The following SMIM10L3 variants were observed in gnomAD, a reference collection of about 807,000 sequenced individuals.
The protein encoded by SMIM10L3 is salivary gland specific protein SAGSIN1.
At chr7:6,331,253 A>G in the SMIM10L3 span, 1 of 1,252,428 alleles carries the variant, frequency 8.0e-7, no homozygotes. Flanking sequence ...AGGGAATCAA[A>G]TTAAAGTTCT....
chr7:6,330,635 C>G, the SMIM10L3 span: 1 of 1,614,150 alleles, frequency 6.2e-7, no homozygotes, highest in East Asian at 2.2e-5. Context: ...TTGGGAAAAG[C>G]ACTTGGTGGG....
At chr7:6,340,115 C>T in the SMIM10L3 span, among the ~76,000 whole-genome samples, 1 of 151,850 alleles carries the variant, frequency 6.6e-6, no homozygotes, top group Non-Finnish European at 1.5e-5. Context: ...AAACTCCTGA[C>T]CTCAGGTGAT....
chr7:6,331,290 G>A, the SMIM10L3 span: 7 of 756,244 alleles, frequency 9.3e-6, no homozygotes, highest in African/African-American at 1.2e-4. Context: ...GGTCTTAAGA[G>A]CATCTACACC....
the SMIM10L3 span, among the ~76,000 whole-genome samples, chr7:6,332,768 G>A: frequency 6.6e-4 from 100 of 152,282 alleles, no homozygotes; most frequent in African/African-American, 2.2e-3. Flanking sequence ...AGTGGCTGAC[G>A]GGGATGGAGA....
chr7:6,330,811 G>C, the SMIM10L3 span: 1 of 1,614,180 alleles, frequency 6.2e-7, no homozygotes, highest in Non-Finnish European at 8.5e-7. Flanking sequence ...GGACACCCGA[G>C]CAAAACACTC....
At chr7:6,333,159 T>TA in the SMIM10L3 span, among the ~76,000 whole-genome samples, 12 of 75,316 alleles carry the variant, frequency 1.6e-4, no homozygotes, top group Admixed American at 1.5e-3. Flanking sequence ...CCATCCCAAA[T>TA]AAAAAAATCA....
the SMIM10L3 span, chr7:6,330,540 A>C: frequency 6.2e-7 from 1 of 1,613,790 alleles, no homozygotes; most frequent in Non-Finnish European, 8.5e-7. Context: ...TTGTCTCCTC[A>C]CTCAGGAGCA....
the SMIM10L3 span, among the ~76,000 whole-genome samples, chr7:6,334,450 A>G: frequency 6.6e-6 from 1 of 151,880 alleles, no homozygotes; most frequent in African/African-American, 2.4e-5. Flanking sequence ...GCAGGAGAAC[A>G]GCTTGAGTCC....
the SMIM10L3 span, chr7:6,330,894 T>G: frequency 6.2e-7 from 1 of 1,614,194 alleles, no homozygotes; most frequent in East Asian, 2.2e-5. Context: ...TTACTGATTC[T>G]CTCACATATG....
chr7:6,338,540 C>G, the SMIM10L3 span: 8 of 152,234 alleles, frequency 5.3e-5, no homozygotes, highest in Admixed American at 4.6e-4. Context: ...CTGCCTCCCA[C>G]CAAAGATGAC....
At chr7:6,337,401 C>T in the SMIM10L3 span, among the ~76,000 whole-genome samples, 1 of 152,072 alleles carries the variant, frequency 6.6e-6, no homozygotes, top group Admixed American at 6.6e-5. Flanking sequence ...GGATTACAGG[C>T]GTGAGCCACT....
chr7:6,341,176 G>C, the SMIM10L3 span, among the ~76,000 whole-genome samples: 9 of 148,598 alleles, frequency 6.1e-5, no homozygotes, highest in Non-Finnish European at 1.3e-4. Context: ...CAGGCACAGT[G>C]GCTCACCCCT....
chr7:6,341,544 G>C, the SMIM10L3 span, among the ~76,000 whole-genome samples: 2 of 150,730 alleles, frequency 1.3e-5, no homozygotes, highest in Non-Finnish European at 2.9e-5. Flanking sequence ...TTTTAAATTA[G>C]CCAGGTGTAG....
chr7:6,341,384 G>A, the SMIM10L3 span, among the ~76,000 whole-genome samples: 1 of 151,494 alleles, frequency 6.6e-6, no homozygotes, highest in Non-Finnish European at 1.5e-5. Flanking sequence ...GGAGCTTGCA[G>A]TGAGCGGAGA....
the SMIM10L3 span, chr7:6,330,939 A>G: frequency 0.012 from 19,677 of 1,614,242 alleles, 150 homozygotes; most frequent in Non-Finnish European, 0.014. Flanking sequence ...GCCAGAGGCC[A>G]GCCCCGCTCG....
At chr7:6,347,223 T>C in the SMIM10L3 span, among the ~76,000 whole-genome samples, 1 of 152,092 alleles carries the variant, frequency 6.6e-6, no homozygotes, top group African/African-American at 2.4e-5. Context: ...TGTAGAAATA[T>C]CAGTCTCTTG....
At chr7:6,347,931 A>G in the SMIM10L3 span, among the ~76,000 whole-genome samples, 3 of 144,272 alleles carry the variant, frequency 2.1e-5, no homozygotes, top group Admixed American at 7.1e-5. Context: ...TATTATTGAG[A>G]TGGAGTTTCC....
At chr7:6,336,316 C>A in the SMIM10L3 span, among the ~76,000 whole-genome samples, 1 of 151,978 alleles carries the variant, frequency 6.6e-6, no homozygotes, top group Non-Finnish European at 1.5e-5. Flanking sequence ...CCACTATACT[C>A]CAGCCTGCGC....
At chr7:6,335,551 A>G in the SMIM10L3 span, among the ~76,000 whole-genome samples, 6 of 152,102 alleles carry the variant, frequency 3.9e-5, no homozygotes, top group African/African-American at 1.4e-4. Flanking sequence ...GTGAGAAAAT[A>G]TTAAAATGTC....
Sources: allele counts gnomAD v4.1 joint callset (sites outside exome capture counted in the v4.1 genomes callset), GRCh38; gene constraint gnomAD v4.1.1; transcripts MANE v1.5; gene names NCBI Gene and HGNC (gene_info 2026-07-23, HGNC 2026-07-21).